The following ACE variants were observed in gnomAD, a reference collection of about 807,000 sequenced individuals.
ACE encodes the protein angiotensin I converting enzyme, also known as angiotensin-converting enzyme.
ACE carries 122 observed loss-of-function variants against 162.3 expected under a neutral mutation model. That is an observed-to-expected ratio of 0.75 (90% CI 0.65 to 0.87). ACE has a LOEUF of 0.87. ACE is among the 40% of genes least tolerant of loss of function. The probability of loss-of-function intolerance (pLI) is 0.00; values close to 1 mark genes in which losing one functional copy is unlikely to be tolerated. For synonymous variants in ACE, 796 were observed against 720.6 expected (o/e 1.10, Z -1.68); for missense variants, 1,799 against 1,735.1 (o/e 1.04, Z -0.65).
intron 5 of ACE, 85 bp downstream of exon 5, chr17:63,480,613 G>A (rs1434273653): frequency 1.4e-6 from 2 of 1,480,358 alleles, no homozygotes; most frequent in Non-Finnish European, 1.9e-6. Context: ...GGTAAGGGAA[G>A]GTGGGTTGTG....
intron 2 of ACE, 161 bp from the exon 3 acceptor site, chr17:63,478,846 G>A (rs1008532851): frequency 4.7e-5 from 32 of 685,196 alleles, no homozygotes; most frequent in South Asian, 3.1e-4. Flanking sequence ...GAAGTGATCC[G>A]GTCACACTAA....
rs1347844823 is a variant in ACE, at chr17:63,482,578, G to A, written c.1231G>A (p.Gly411Arg). Residue 411 changes from glycine (G) to arginine (R), a missense_variant, in exon 8 of 25, where the codon GGG (glycine) becomes AGG (arginine). Coordinates refer to ENST00000290866, the MANE Select transcript of ACE (RefSeq NM_000789.4). ...YKDLPVSLRR[G>R]ANPGFHEAIG... is the part of the protein sequence containing the mutation. ...GGATCTGCCCGTCTCCCTGCGTCGG[G>A]GGGCCAACCCCGGCTTCCATGAGGC... is the stretch of plus-strand genomic sequence containing the variant. 1 of 1,614,118 alleles carries A rather than the reference G, an allele frequency of 6.2e-7. No individual in the cohort carries two copies. Among genetic ancestry groups the A allele is most frequent in the Non-Finnish European group, 8.5e-7 (1 of 1,180,018 alleles).
In ACE at chr17:63,477,124, G is replaced by A; in HGVS notation, c.30G>A (p.Pro10=). 7.3e-7 allele frequency: 1 copy of A among 1,378,934 alleles called. No individual in the cohort carries two copies. Among genetic ancestry groups the A allele is most frequent in the South Asian group, 1.6e-5 (1 of 61,868 alleles). The allele number at this position is 1,378,934 out of a possible 1,614,324, so 85.4% of individuals were successfully genotyped here. The change falls in exon 1 of 25, where the codon CCG becomes CCA. Residue 10 remains proline, a synonymous_variant. Coordinates refer to ENST00000290866, the MANE Select transcript of ACE (RefSeq NM_000789.4). ...GGGCCGCCTCGGGCCGCCGGGGGCC[G>A]GGGCTGCTGCTGCCGCTGCCGCTGC... The part of the protein sequence containing the change: MGAASGRRG[P]GLLLPLPLLL...
chr17:63,493,721 GGTGGGAAAGGGGCA>G (rs1269800210), intron 20 of ACE, 62 bp downstream of exon 20: 14 of 1,578,600 alleles, frequency 8.9e-6, no homozygotes, highest in African/African-American at 5.4e-5. Context: ...GAGCTTGGGA[GGTGGGAAAGGGGCA>G]CTTAGTGGCC....
At position 63,496,855 on chromosome 17, in the gene ACE, G is replaced by A. The variant is rs141429845; in HGVS notation, c.3561G>A (p.Thr1187=). ...GGCCGGAAGCCATGCAGCTGATCAC[G>A]GGCCAGCCCAACATGAGCGCCTCGG... The part of the protein sequence containing the change: ...RPWPEAMQLI[T]GQPNMSASAM... The change falls in exon 24 of 25, where the codon ACG becomes ACA. Residue 1187 remains threonine (T), a synonymous_variant. Transcript: ENST00000290866. The A allele has an allele frequency of 7.3e-5, 117 of 1,613,410 alleles. No individual in the cohort carries two copies. The highest frequency in any genetic ancestry group is 8.5e-5 in the Non-Finnish European group (100 of 1,180,038).
At position 63,497,468 on chromosome 17, in the gene ACE, C is replaced by G; in HGVS notation, c.*102C>G. 3 of 1,045,852 alleles carry G rather than the reference C, an allele frequency of 2.9e-6. No individual in the cohort carries two copies. The highest frequency in any genetic ancestry group is 2.9e-6 in the Non-Finnish European group (2 of 698,976). The allele number at this position is 1,045,852 out of a possible 1,614,324, so 64.8% of individuals were successfully genotyped here. ...GACACACCCCACACCCCAGCCCACC[C>G]TGCTCCTCCTGCCCTGTCCCTGTCC... On this transcript the variant is annotated 3_prime_UTR_variant, in exon 25 of 25. Coordinates refer to ENST00000290866, the MANE Select transcript of ACE (RefSeq NM_000789.4).
Position 63,484,710 on chromosome 17 carries a change from C to A in ACE, c.1921+169C>A, listed in dbSNP as rs573768611. ...AGCAGGGCCTGCGAGTGGGGACAGG[C>A]ATGTCTTTCCCCCAGCATCCTAGAG... On this transcript the variant is annotated intron_variant, in intron 12 of 24. Transcript: ENST00000290866. The surrounding 1 kb of genome is among the most constrained non-coding windows in gnomAD (Gnocchi z 4.0). 43 of 1,451,614 alleles carry A rather than the reference C, an allele frequency of 3.0e-5. No individual in the cohort carries two copies. The East Asian group carries it at 1.1e-3, about 36-fold the overall frequency. 89.9% of individuals were successfully genotyped at this position (1,451,614 alleles called of 1,614,324 possible).
At chr17:63,487,207 G>GT in intron 15 of ACE, 134 bp downstream of exon 15, 1 of 759,706 alleles carries the variant, frequency 1.3e-6, no homozygotes, top group South Asian at 1.5e-5. Flanking sequence ...GCCCTTTCTT[G>GT]TTTTCCACGA....
chr17:63,487,087 T>C lies in ACE; in HGVS notation c.2305+14T>C. ...AGCTCGAGCCAGGTGAGAGCTCATG[T>C]GCAGGCTGAGTGAGAGGCGAGGGCT... On this transcript the variant is annotated intron_variant, in intron 15 of 24. Transcript: ENST00000290866. 1 of 1,612,132 alleles carries C rather than the reference T, an allele frequency of 6.2e-7. No homozygotes were observed.
intron 22 of ACE, 88 bp from the exon 23 acceptor site, chr17:63,496,306 C>T (rs770909683): frequency 2.4e-5 from 38 of 1,598,590 alleles, no homozygotes; most frequent in Non-Finnish European, 2.9e-5. Context: ...TAGCACACAT[C>T]ACATGTGATG....
Position 63,496,984 on chromosome 17 carries a change from C to T in ACE, c.3690C>T (p.Ser1230=), listed in dbSNP as rs778419134. ...GWPQYNWTPN[S]ARSEGPLPDS... Reference sequence around the variant, plus strand: ...CGCAGTACAACTGGACGCCGAACTCCGGTACCGCCACCCACCCCACCTCCA... The same window carrying T: ...CGCAGTACAACTGGACGCCGAACTCTGGTACCGCCACCCACCCCACCTCCA... Residue 1230 remains serine, a splice_region_variant and synonymous_variant, in exon 24 of 25, where the codon TCC becomes TCT. Coordinates refer to ENST00000290866, the MANE Select transcript of ACE (RefSeq NM_000789.4). 78 of 1,608,834 alleles carry T rather than the reference C, an allele frequency of 4.8e-5. No individual in the cohort carries two copies. Among genetic ancestry groups the T allele is most frequent in the African/African-American group, 4.7e-4 (35 of 74,806 alleles).
rs1355966329 is a variant in ACE, at chr17:63,486,353, C to T, written c.2059-204C>T. The T allele has an allele frequency of 4.8e-6, 3 of 629,968 alleles. No individual in the cohort carries two copies. In the East Asian group the frequency reaches 8.3e-5, roughly 18 times the overall value. The allele number at this position is 629,968 out of a possible 1,614,324, so 39.0% of individuals were successfully genotyped here. A position where few individuals can be genotyped will look rare whatever the true frequency, so the allele number is the denominator to read the frequency against. The stretch of plus-strand genomic sequence containing the variant: ...CCCTGCCTGGATATGTGTTGCTTGA[C>T]CGCAGGCATCCAGGGAGGGTGAGTA... On this transcript the variant is annotated intron_variant, in intron 13 of 24. Coordinates refer to ENST00000290866, the MANE Select transcript of ACE (RefSeq NM_000789.4).
At position 63,491,181 on chromosome 17, in the gene ACE, G is replaced by A. The variant is rs1325149928; in HGVS notation, c.2740-28G>A. 1 of 1,613,620 alleles carries A rather than the reference G, an allele frequency of 6.2e-7. No individual in the cohort carries two copies. Among genetic ancestry groups the A allele is most frequent in the South Asian group, 1.1e-5 (1 of 91,070 alleles). ...ACGCAGTCTGTCCCCGGAACCCCCA[G>A]TTTGGGCAGAACTCCCTCTGCTTGC... On this transcript the variant is annotated intron_variant, in intron 18 of 24. Transcript: ENST00000290866. The surrounding 1 kb of genome is among the most constrained non-coding windows in gnomAD (Gnocchi z 4.4).
chr17:63,484,966 A>G lies in ACE; in HGVS notation c.1922-270A>G. The G allele has an allele frequency of 6.2e-7, 1 of 1,606,472 alleles. No individual in the cohort carries two copies. Among genetic ancestry groups the G allele is most frequent in the Non-Finnish European group, 8.5e-7 (1 of 1,176,586 alleles). On this transcript the variant is annotated intron_variant, in intron 12 of 24. Transcript: ENST00000290866. The surrounding 1 kb of genome is among the most constrained non-coding windows in gnomAD (Gnocchi z 4.0). ...TGGTCCCCAGCCAGGAGGCATCCCAACAGGTGACAGTCACCCATGGGACAA... is the reference window on the plus strand; with the variant it reads ...TGGTCCCCAGCCAGGAGGCATCCCAGCAGGTGACAGTCACCCATGGGACAA...
At chr17:63,488,905 T>C (rs1373768659) in intron 16 of ACE, 36 bp from the exon 17 acceptor site, 1 of 1,613,548 alleles carries the variant, frequency 6.2e-7, no homozygotes, top group Non-Finnish European at 8.5e-7. Flanking sequence ...GCAGGTAATG[T>C]GGTGTTGGGA....
Position 63,488,650 on chromosome 17 carries a change from C to T in ACE, c.2308C>T (p.Leu770=). 6.2e-7 allele frequency: 1 copy of T among 1,613,100 alleles called. No homozygotes were observed. Among genetic ancestry groups the T allele is most frequent in the Non-Finnish European group, 8.5e-7 (1 of 1,179,876 alleles). The change falls in exon 16 of 25, where the codon CTG becomes TTG. Residue 770 remains leucine, a splice_region_variant and synonymous_variant. Coordinates refer to ENST00000290866, the MANE Select transcript of ACE (RefSeq NM_000789.4). ...NGSCLQLEPD[L]TNVMATSRKY... is the part of the protein sequence containing the mutation. ...CAAGGCATTCAAACCCCTACCAGATCTGACGAATGTGATGGCCACGTCCCG... is the reference window on the plus strand; with the variant it reads ...CAAGGCATTCAAACCCCTACCAGATTTGACGAATGTGATGGCCACGTCCCG...
rs764129854 is a variant in ACE, at chr17:63,493,584, G to A, written c.3061G>A (p.Val1021Met). 46 of 1,614,080 alleles carry A rather than the reference G, an allele frequency of 2.8e-5. No homozygotes were observed. The highest frequency in any genetic ancestry group is 1.8e-4 in the East Asian group (8 of 44,894). ...NPGFHEAIGD[V>M]LALSVSTPKH... ...CGGCTTCCATGAGGCCATTGGGGAC[G>A]TGCTAGCCCTCTCAGTGTCTACGCC... The change falls in exon 20 of 25, where the codon GTG becomes ATG. Residue 1021 changes from valine (V) to methionine (M), a missense_variant. Physicochemically the swap from Val to Met is conservative, Grantham distance 21. Coordinates refer to ENST00000290866, the MANE Select transcript of ACE (RefSeq NM_000789.4).
At position 63,488,751 on chromosome 17, in the gene ACE, G is replaced by A. The variant is rs138771270; in HGVS notation, c.2409G>A (p.Pro803=). The part of the protein sequence containing the change: ...KAGRAILQFY[P]KYVELINQAA... The stretch of plus-strand genomic sequence containing the variant: ...GGAGAGCCATCCTCCAGTTTTACCC[G>A]AAATACGTGGAACTCATCAACCAGG... The change falls in exon 16 of 25, where the codon CCG becomes CCA. Residue 803 remains proline, a synonymous_variant. Transcript: ENST00000290866. The A allele has an allele frequency of 7.7e-5, 125 of 1,613,714 alleles. 1 individual carries two copies. In the Middle Eastern group the frequency reaches 3.5e-3, roughly 45 times the overall value.
Position 63,477,299 on chromosome 17 carries a change from T to G in ACE, c.205T>G (p.Trp69Gly). The change falls in exon 1 of 25, where the codon TGG becomes GGG. Residue 69 changes from tryptophan to glycine, a missense_variant. Transcript: ENST00000290866. ...GCTGTTCCAGAGCGTGGCCGCCAGC[T>G]GGGCGCACGACACCAACATCACCGC... Reference protein sequence around the residue: ...QVLFQSVAASWAHDTNITAEN... With the variant: ...QVLFQSVAASGAHDTNITAEN... 1 of 1,418,496 alleles carries G rather than the reference T, an allele frequency of 7.0e-7. No homozygotes were observed. Among genetic ancestry groups the G allele is most frequent in the Non-Finnish European group, 9.3e-7 (1 of 1,078,022 alleles). The allele number at this position is 1,418,496 out of a possible 1,614,324, so 87.9% of individuals were successfully genotyped here.
Sources: allele counts gnomAD v4.1 joint callset, GRCh38; gene constraint gnomAD v4.1.1; non-coding constraint Gnocchi (gnomAD v3.1); transcripts MANE v1.5; gene names NCBI Gene and HGNC (gene_info 2026-07-23, HGNC 2026-07-21).